Variants in PLEKHA4 observed in about 807,000 individuals in gnomAD.
The protein encoded by PLEKHA4 is pleckstrin homology domain-containing family A member 4.
In PLEKHA4, 73 loss-of-function variants were observed where a neutral mutation model predicts 94.7. The observed-to-expected ratio is 0.77, with a 90% CI of 0.64 to 0.94. PLEKHA4 has a LOEUF of 0.94. PLEKHA4 is among the 40% of genes least tolerant of loss of function. The pLI is 0.00. For missense variants in PLEKHA4, 1,049 were observed against 1,054.1 expected (o/e 1.00, Z 0.07); for synonymous variants, 449 against 437.1 (o/e 1.03, Z -0.34).
intron 12 of PLEKHA4, 84 bp from the exon 13 acceptor site, chr19:48,852,410 G>A (rs1036305578): frequency 2.8e-5 from 30 of 1,061,526 alleles, no homozygotes; most frequent in Non-Finnish European, 4.2e-5. Flanking sequence ...CAGCTAAGGA[G>A]GAGATAAGGG....
Position 48,859,061 on chromosome 19 carries a change from A to C in PLEKHA4, c.771T>G (p.Pro257=). ...RPRSAPARRP[P]APSGDTAPPA... is the part of the protein sequence containing the mutation. The stretch of plus-strand genomic sequence containing the variant: ...GGGGTGCTGTGTCTCCTGAGGGGGC[A>C]GGGGGTCGCCGCGCAGGGGCAGAAC... The change falls in exon 8 of 20, where the codon CCT becomes CCG. Residue 257 remains proline (P), a synonymous_variant. Coordinates refer to ENST00000263265, the MANE Select transcript of PLEKHA4 (RefSeq NM_020904.3). 3.1e-6 allele frequency: 2 copies of C among 654,186 alleles called. No individual in the cohort carries two copies. The highest frequency in any genetic ancestry group is 3.8e-6 in the Non-Finnish European group (2 of 524,880). 40.5% of individuals were successfully genotyped at this position (654,186 alleles called of 1,614,324 possible). A position where few individuals can be genotyped will look rare whatever the true frequency, so the allele number is the denominator to read the frequency against.
At chr19:48,850,964 AC>A (rs748764603) in intron 13 of PLEKHA4, among the ~76,000 whole-genome samples, 1 of 151,592 alleles carries the variant, frequency 6.6e-6, no homozygotes, top group East Asian at 1.9e-4. Context: ...ACATGGTGAA[AC>A]CCCCCTCTCT....
In PLEKHA4 at chr19:48,847,910, G is replaced by C. The variant is rs375354078; in HGVS notation, c.1556C>G (p.Ser519Ter). 1.3e-6 allele frequency: 2 copies of C among 1,574,788 alleles called. No individual in the cohort carries two copies. Among genetic ancestry groups the C allele is most frequent in the South Asian group, 2.3e-5 (2 of 85,110 alleles). Residue 519 changes from serine (S) to a stop codon, truncating the protein, a stop_gained, in exon 14 of 20, where the codon TCA (serine) becomes TGA (stop). Coordinates refer to ENST00000263265, the MANE Select transcript of PLEKHA4 (RefSeq NM_020904.3). LOFTEE classifies it high-confidence loss of function. ...PSPVLQGEES[S>*]ERESLPESLE... ...TTATGTGCGTCTTACCTCCCTCTCT[G>C]AGGACTCCTCGCCCTGGAGCACGGG...
intron 9 of PLEKHA4, among the ~76,000 whole-genome samples, chr19:48,856,119 C>T (rs2036395622): frequency 1.4e-5 from 2 of 148,096 alleles, no homozygotes; most frequent in South Asian, 4.2e-4. Flanking sequence ...TGCGGTGAGC[C>T]GAGATCACGC....
chr19:48,866,937 A>C (rs537953623), intron 2 of PLEKHA4, among the ~76,000 whole-genome samples: 1 of 152,230 alleles, frequency 6.6e-6, no homozygotes, highest in African/African-American at 2.4e-5. Flanking sequence ...GCCCACAGAT[A>C]TCTCAGGCAT....
In PLEKHA4 at chr19:48,854,258, G is replaced by A; in HGVS notation, c.1054C>T (p.Pro352Ser). 1 of 1,614,064 alleles carries A rather than the reference G, an allele frequency of 6.2e-7. No individual in the cohort carries two copies. The highest frequency in any genetic ancestry group is 8.5e-7 in the Non-Finnish European group (1 of 1,179,936). The change falls in exon 10 of 20, where the codon CCT becomes TCT. Residue 352 changes from proline (P) to serine (S), a missense_variant. Physicochemically the swap from Pro to Ser is moderately conservative, Grantham distance 74. Coordinates refer to ENST00000263265, the MANE Select transcript of PLEKHA4 (RefSeq NM_020904.3). ...TGGTGGAAAGTTGACTCCAGGGGAG[G>A]ACCCGGCTGAAGAGAAGGAAAAAAG... is the stretch of plus-strand genomic sequence containing the variant. Reference protein sequence around the residue: ...TRASMVLLPGPPLESTFHQSL... With the variant: ...TRASMVLLPGSPLESTFHQSL...
rs879672691 is a variant in PLEKHA4 at position 48,845,340 on chromosome 19, C to T, written c.1743+30G>A. ...TGTGGGGGTCCCTGATGGTCAGATG[C>T]AAGGATTACAGGATGGACCTACAGC... On this transcript the variant is annotated intron_variant, in intron 16 of 19. Transcript: ENST00000263265. 1.9e-6 allele frequency: 3 copies of T among 1,603,700 alleles called. No individual in the cohort carries two copies. The African/African-American group carries it at 4.0e-5, about 21-fold the overall frequency.
intron 13 of PLEKHA4, among the ~76,000 whole-genome samples, chr19:48,851,458 A>G (rs2036181919): frequency 6.7e-6 from 1 of 149,666 alleles, no homozygotes; most frequent in Admixed American, 6.7e-5. Flanking sequence ...CTCTACTAAA[A>G]ATACAAAATT....
rs759702234 is a variant in PLEKHA4, at chr19:48,857,403, G to C, written c.1047+19C>G. The C allele has an allele frequency of 7.3e-7, 1 of 1,368,334 alleles. No individual in the cohort carries two copies. Among genetic ancestry groups the C allele is most frequent in the Non-Finnish European group, 1.0e-6 (1 of 994,816 alleles). 84.8% of individuals were successfully genotyped at this position (1,368,334 alleles called of 1,614,324 possible). Reference sequence around the variant, plus strand: ...AGGGAGGGGGCTCCGGTAGATTTAGGGTACTCCAGGATACCTACCAATAAA... The same window carrying C: ...AGGGAGGGGGCTCCGGTAGATTTAGCGTACTCCAGGATACCTACCAATAAA... On this transcript the variant is annotated intron_variant, in intron 9 of 19. Coordinates refer to ENST00000263265, the MANE Select transcript of PLEKHA4 (RefSeq NM_020904.3).
In PLEKHA4 at chr19:48,859,889, T is replaced by C. The variant is rs577251396; in HGVS notation, c.477-205A>G. The C allele has an allele frequency of 5.9e-4, 366 of 615,912 alleles. 3 individuals are homozygous for C. The African/African-American group carries it at 6.3e-3, about 11-fold the overall frequency. The allele number at this position is 615,912 out of a possible 1,614,324, so 38.2% of individuals were successfully genotyped here. On this transcript the variant is annotated intron_variant, in intron 6 of 19. Transcript: ENST00000263265. ...AGGCCACAACGTCTATCCAGGTTGC[T>C]GGACCCAATGCCCCGGAATATGGGA... is the stretch of plus-strand genomic sequence containing the variant.
intron 14 of PLEKHA4, among the ~76,000 whole-genome samples, chr19:48,846,685 T>G (rs1023471674): frequency 1.3e-5 from 2 of 151,992 alleles, no homozygotes; most frequent in Non-Finnish European, 2.9e-5. Flanking sequence ...AGAGAATCAC[T>G]TAAGCCCCAG....
At chr19:48,863,182 TC>T (rs1228861749) in intron 3 of PLEKHA4, among the ~76,000 whole-genome samples, 11 of 152,350 alleles carry the variant, frequency 7.2e-5, no homozygotes, top group Admixed American at 6.5e-4. Flanking sequence ...AGTCCCCTTT[TC>T]AAAACAGAGA....
chr19:48,845,077 C>T (rs1021033321), intron 16 of PLEKHA4: 6 of 269,728 alleles, frequency 2.2e-5, no homozygotes, highest in South Asian at 4.9e-5. Flanking sequence ...TGAGCCACCG[C>T]GCCTGGCCTC....
intron 2 of PLEKHA4, among the ~76,000 whole-genome samples, chr19:48,866,056 G>A (rs912897468): frequency 4.0e-5 from 6 of 151,622 alleles, no homozygotes; most frequent in Non-Finnish European, 7.4e-5. Flanking sequence ...GTCAAGGTGG[G>A]GGCTGAAGTT....
At chr19:48,864,912 C>CATTT (rs1367883271) in intron 3 of PLEKHA4, among the ~76,000 whole-genome samples, 1 of 152,154 alleles carries the variant, frequency 6.6e-6, no homozygotes, top group Non-Finnish European at 1.5e-5. Flanking sequence ...TGACCAAGTC[C>CATTT]ATTTATTTAT....
intron 5 of PLEKHA4, 65 bp downstream of exon 5, chr19:48,861,336 G>T: frequency 7.2e-7 from 1 of 1,383,532 alleles, no homozygotes; most frequent in South Asian, 1.2e-5. Context: ...TTCCTCGACA[G>T]ATATCTACCC....
chr19:48,837,936 C>A lies in PLEKHA4; in HGVS notation c.2077+81G>T, dbSNP rs2035600617. 1.8e-5 allele frequency: 21 copies of A among 1,199,996 alleles called. No homozygotes were observed. The highest frequency in any genetic ancestry group is 2.5e-5 in the Non-Finnish European group (21 of 825,614). 74.3% of individuals were successfully genotyped at this position (1,199,996 alleles called of 1,614,324 possible). A position where few individuals can be genotyped will look rare whatever the true frequency, so the allele number is the denominator to read the frequency against. On this transcript the variant is annotated intron_variant, in intron 19 of 19. Coordinates refer to ENST00000263265, the MANE Select transcript of PLEKHA4 (RefSeq NM_020904.3). The surrounding 1 kb of genome is among the most constrained non-coding windows in gnomAD (Gnocchi z 4.3). ...AAAATTCTCACCGGCCCCCAGACCC[C>A]TCCTCTCCAGGACCTGGGATTCCAG...
At chr19:48,860,245 T>C in intron 6 of PLEKHA4, 105 bp downstream of exon 6, 1 of 925,354 alleles carries the variant, frequency 1.1e-6, no homozygotes, top group Non-Finnish European at 1.7e-6. Flanking sequence ...GCTAGAAGAC[T>C]GGTGATTGGA....
intron 4 of PLEKHA4, 37 bp downstream of exon 4, chr19:48,861,583 G>A: frequency 2.5e-6 from 4 of 1,612,680 alleles, no homozygotes; most frequent in Non-Finnish European, 3.4e-6. Flanking sequence ...TGGGCGGGGG[G>A]GCCCTCCCAC....
Sources: gnomAD v4.1 joint callset for allele counts (sites outside exome capture counted in the v4.1 genomes callset) on GRCh38, gnomAD v4.1.1 for gene constraint, Gnocchi (gnomAD v3.1) non-coding constraint, MANE v1.5 for transcripts, NCBI Gene and HGNC (gene_info 2026-07-23, HGNC 2026-07-21) for gene names.